COL7A1: variants seen among roughly 807,000 people sequenced by gnomAD.
COL7A1 encodes collagen type VII alpha 1 chain, also known as collagen alpha-1(VII) chain.
A neutral mutation model predicts 456.2 loss-of-function variants in COL7A1; 296 were observed. The ratio of observed to expected loss-of-function variants is 0.65; its 90% CI spans 0.59 to 0.71. The LOEUF is 0.71. COL7A1 is among the 30% of genes least tolerant of loss of function. COL7A1 has a pLI of 0.00. For missense variants in COL7A1, 3,441 were observed against 4,017.2 expected, an observed-to-expected ratio of 0.86 and a Z score of 3.88; for synonymous variants, 1,464 against 1,525.9, an observed-to-expected ratio of 0.96 and a Z score of 0.95.
intron 47 of COL7A1, 67 bp downstream of exon 47, chr3:48,582,256 T>C: frequency 6.2e-7 from 1 of 1,611,348 alleles, no homozygotes; most frequent in Non-Finnish European, 8.5e-7. Context: ...GCCCAGATAG[T>C]GTTCTATAGG....
chr3:48,572,307 T>C lies in COL7A1; in HGVS notation c.6978+73A>G, dbSNP rs1423798347. 13 of 1,613,078 alleles carry C rather than the reference T, an allele frequency of 8.1e-6. No individual in the cohort carries two copies. In the East Asian group the frequency reaches 2.9e-4, roughly 36 times the overall value. On this transcript the variant is annotated intron_variant, in intron 90 of 118. Coordinates refer to ENST00000681320, the MANE Select transcript of COL7A1 (RefSeq NM_000094.4). This position sits in a 1 kb window ranked among gnomAD's most constrained non-coding sequence, Gnocchi z 4.6. ...GTCATGAGGGTGGGTAAACTATGGG[T>C]CGAAGGTCAGAAGTTAGGCCACTGG... is the stretch of plus-strand genomic sequence containing the variant.
chr3:48,580,009 C>G lies in COL7A1; in HGVS notation c.5124+22G>C. On this transcript the variant is annotated intron_variant, in intron 57 of 118. Transcript: ENST00000681320. This position sits in a 1 kb window ranked among gnomAD's most constrained non-coding sequence, Gnocchi z 4.5. ...GGCAAGTGAGAACAATGACAGAGGA[C>G]CAGACCCAGCGCAGCCCTTACCAGC... 6.2e-7 allele frequency: 1 copy of G among 1,613,986 alleles called. No homozygotes were observed. The highest frequency in any genetic ancestry group is 2.2e-5 in the East Asian group (1 of 44,866).
intron 38 of COL7A1, 28 bp downstream of exon 38, chr3:48,584,007 C>A (rs1475279349): frequency 2.5e-6 from 4 of 1,613,932 alleles, no homozygotes; most frequent in African/African-American, 2.7e-5. Flanking sequence ...CTCCAAGCCA[C>A]CCCTAGCACA....
rs777288198 is a variant in COL7A1 at position 48,579,459 on chromosome 3, G to A, written c.5271+21C>T. 15 of 1,614,034 alleles carry A rather than the reference G, an allele frequency of 9.3e-6. No homozygotes were observed. Among genetic ancestry groups the A allele is most frequent in the East Asian group, 4.5e-5 (2 of 44,886 alleles). On this transcript the variant is annotated intron_variant, in intron 60 of 118. Coordinates refer to ENST00000681320, the MANE Select transcript of COL7A1 (RefSeq NM_000094.4). This position sits in a 1 kb window ranked among gnomAD's most constrained non-coding sequence, Gnocchi z 4.4. ...AGGGTAAGATGGGGACTTGGCAGAC[G>A]GGGCAAAGTGCATCACTCACCTGTG...
In COL7A1 at chr3:48,594,323, T is replaced by G. The variant is rs1461667578; in HGVS notation, c.266+45A>C. On this transcript the variant is annotated intron_variant, in intron 3 of 118. Coordinates refer to ENST00000681320, the MANE Select transcript of COL7A1 (RefSeq NM_000094.4). This position sits in a 1 kb window ranked among gnomAD's most constrained non-coding sequence, Gnocchi z 5.5. ...CTCCTCCCTCTCTGGGGAAGGAGTC[T>G]TGGTGGGGATCTCGTGGTCCCCAGC... is the stretch of plus-strand genomic sequence containing the variant. The G allele has an allele frequency of 1.9e-6, 3 of 1,598,732 alleles. No homozygotes were observed. Among genetic ancestry groups the G allele is most frequent in the Non-Finnish European group, 2.6e-6 (3 of 1,175,360 alleles).
chr3:48,568,916 A>G lies in COL7A1; in HGVS notation c.7687-61T>C. The G allele has an allele frequency of 2.0e-6, 3 of 1,499,738 alleles. No individual in the cohort carries two copies. Among genetic ancestry groups the G allele is most frequent in the Non-Finnish European group, 1.8e-6 (2 of 1,100,994 alleles). The allele number at this position is 1,499,738 out of a possible 1,614,324, so 92.9% of individuals were successfully genotyped here. A position where few individuals can be genotyped will look rare whatever the true frequency, so the allele number is the denominator to read the frequency against. On this transcript the variant is annotated intron_variant, in intron 103 of 118. Coordinates refer to ENST00000681320, the MANE Select transcript of COL7A1 (RefSeq NM_000094.4). This position sits in a 1 kb window ranked among gnomAD's most constrained non-coding sequence, Gnocchi z 5.2. ...CCAGATCAGGCTGGGGGCTTAGAATACAACGAGCCCGCCAGCTGGGGCAGA... is the reference window on the plus strand; with the variant it reads ...CCAGATCAGGCTGGGGGCTTAGAATGCAACGAGCCCGCCAGCTGGGGCAGA...
At position 48,579,471 on chromosome 3, in the gene COL7A1, A is replaced by G. The variant is rs937090602; in HGVS notation, c.5271+9T>C. 1 of 1,614,108 alleles carries G rather than the reference A, an allele frequency of 6.2e-7. No homozygotes were observed. The highest frequency in any genetic ancestry group is 8.5e-7 in the Non-Finnish European group (1 of 1,180,010). On this transcript the variant is annotated intron_variant, in intron 60 of 118. Transcript: ENST00000681320. This position sits in a 1 kb window ranked among gnomAD's most constrained non-coding sequence, Gnocchi z 4.4. Reference sequence around the variant, plus strand: ...GGACTTGGCAGACGGGGCAAAGTGCATCACTCACCTGTGGGCCTGGGGGTC... The same window carrying G: ...GGACTTGGCAGACGGGGCAAAGTGCGTCACTCACCTGTGGGCCTGGGGGTC...
Position 48,564,142 on chromosome 3 carries a change from G to A in COL7A1, c.*264C>T. The A allele has an allele frequency of 1.7e-6, 1 of 575,320 alleles. No individual in the cohort carries two copies. The highest frequency in any genetic ancestry group is 3.2e-6 in the Non-Finnish European group (1 of 316,434). 35.6% of individuals were successfully genotyped at this position (575,320 alleles called of 1,614,324 possible). Reference sequence around the variant, plus strand: ...TGTCATCACAGGCTTGGGTCAAGGGGCGGGTCAGACGCCAGTCACATCCGC... The same window carrying A: ...TGTCATCACAGGCTTGGGTCAAGGGACGGGTCAGACGCCAGTCACATCCGC... On this transcript the variant is annotated 3_prime_UTR_variant, in exon 119 of 119. Transcript: ENST00000681320. The surrounding 1 kb of genome is among the most constrained non-coding windows in gnomAD (Gnocchi z 6.0).
rs2043716423 is a variant in COL7A1, at chr3:48,568,529, T to C, written c.7764A>G (p.Gln2588=). 3 of 1,607,864 alleles carry C rather than the reference T, an allele frequency of 1.9e-6. No homozygotes were observed. Among genetic ancestry groups the C allele is most frequent in the Non-Finnish European group, 1.7e-6 (2 of 1,175,526 alleles). ...CACCAGGGATCCCTGCTGCACCAGG[T>C]TGACCCTGTGAGAAACACAGATGGG... ...GLRGLLGPQG[Q]PGAAGIPGDP... Residue 2588 remains glutamine (Q), a synonymous_variant, in exon 105 of 119, where the codon CAA becomes CAG. Coordinates refer to ENST00000681320, the MANE Select transcript of COL7A1 (RefSeq NM_000094.4). The surrounding 1 kb of genome is among the most constrained non-coding windows in gnomAD (Gnocchi z 5.2).
chr3:48,587,477 C>T lies in COL7A1; in HGVS notation c.2935G>A (p.Val979Met), dbSNP rs962411216. ...AGGATGTAGCTGGATGCCCTGGACA[C>T]TGGAGTCCAGGCCAAAGTCACCGAG... ...IDSVTLAWTP[V>M]SRASSYILSW... The change falls in exon 23 of 119, where the codon GTG (valine) becomes ATG (methionine). Residue 979 changes from valine (V) to methionine (M), a missense_variant. This residue lies in a region of COL7A1 where 444 missense variants were observed against 427.6 expected (regional missense o/e 1.04). Coordinates refer to ENST00000681320, the MANE Select transcript of COL7A1 (RefSeq NM_000094.4). The surrounding 1 kb of genome is among the most constrained non-coding windows in gnomAD (Gnocchi z 6.1). 6.2e-7 allele frequency: 1 copy of T among 1,613,210 alleles called. No individual in the cohort carries two copies. Among genetic ancestry groups the T allele is most frequent in the African/African-American group, 1.3e-5 (1 of 74,944 alleles).
rs1165115335 is a variant in COL7A1, at chr3:48,568,743, T to A, written c.7758+41A>T. 3.2e-6 allele frequency: 5 copies of A among 1,547,948 alleles called. No individual in the cohort carries two copies. In the East Asian group the frequency reaches 9.7e-5, roughly 30 times the overall value. ...GGATATGTGTGTGTGTGATGCTGGCTCTGGACCTGGGCCTGGGCCTGGGCC... is the reference window on the plus strand; with the variant it reads ...GGATATGTGTGTGTGTGATGCTGGCACTGGACCTGGGCCTGGGCCTGGGCC... On this transcript the variant is annotated intron_variant, in intron 104 of 118. Coordinates refer to ENST00000681320, the MANE Select transcript of COL7A1 (RefSeq NM_000094.4). This position sits in a 1 kb window ranked among gnomAD's most constrained non-coding sequence, Gnocchi z 5.2.
Position 48,566,993 on chromosome 3 carries a change from G to T in COL7A1, c.8140C>A (p.Pro2714Thr), listed in dbSNP as rs377080229. Residue 2714 changes from proline to threonine, a missense_variant, in exon 111 of 119, where the codon CCC becomes ACC. Pro to Thr is a conservative substitution (Grantham distance 38, BLOSUM62 -1). Around this residue, in one of 3 missense-constraint regions of COL7A1, gnomAD observed 2,084 missense variants for 2,501.3 expected, o/e 0.83. Coordinates refer to ENST00000681320, the MANE Select transcript of COL7A1 (RefSeq NM_000094.4). This position sits in a 1 kb window ranked among gnomAD's most constrained non-coding sequence, Gnocchi z 5.9. ...GTPGIGGFPG[P>T]SGNDGSAGPP... ...CCAGCAGAGCCATCATTTCCACTGG[G>T]GCCTGGGAAGCCCCCAATTCCTGGG... is the stretch of plus-strand genomic sequence containing the variant. 6.2e-7 allele frequency: 1 copy of T among 1,612,662 alleles called. No homozygotes were observed. Among genetic ancestry groups the T allele is most frequent in the Non-Finnish European group, 8.5e-7 (1 of 1,178,952 alleles).
In COL7A1 at chr3:48,583,506, G is replaced by A. The variant is rs369494598; in HGVS notation, c.4401+50C>T. The A allele has an allele frequency of 1.2e-5, 19 of 1,613,438 alleles. No individual in the cohort carries two copies. The highest frequency in any genetic ancestry group is 4.0e-5 in the African/African-American group (3 of 74,890). On this transcript the variant is annotated intron_variant, in intron 41 of 118. Transcript: ENST00000681320. This position sits in a 1 kb window ranked among gnomAD's most constrained non-coding sequence, Gnocchi z 5.1. ...GAGCAGTGGTTGATGATTGAGGTAG[G>A]GGCTGGAGCTGTGCCCACCATATTC...
In COL7A1 at chr3:48,583,416, G is replaced by T. The variant is rs775987562; in HGVS notation, c.4414C>A (p.Pro1472Thr). The stretch of plus-strand genomic sequence containing the variant: ...ACTTTGGGGCCAATAGCTCCAGGAG[G>T]TCCCCGTGGGCCCTGGAAGGGATGA... ...GSPGEQGPRG[P>T]PGAIGPKGDR... Residue 1472 changes from proline to threonine, a missense_variant, in exon 42 of 119, where the codon CCT becomes ACT. This residue lies in a region of COL7A1 where 2,084 missense variants were observed against 2,501.3 expected (regional missense o/e 0.83). Coordinates refer to ENST00000681320, the MANE Select transcript of COL7A1 (RefSeq NM_000094.4). This position sits in a 1 kb window ranked among gnomAD's most constrained non-coding sequence, Gnocchi z 5.1. 1.1e-5 allele frequency: 18 copies of T among 1,614,046 alleles called. No individual in the cohort carries two copies. In the Admixed American group the frequency reaches 1.8e-4, roughly 16 times the overall value.
chr3:48,585,661 G>T lies in COL7A1; in HGVS notation c.3831+29C>A, dbSNP rs1256721489. ...GTTAGGTGGGGATAAGCCAGTCAGGGTGCAGGGACAGATGTGGGGGACACT... is the reference window on the plus strand; with the variant it reads ...GTTAGGTGGGGATAAGCCAGTCAGGTTGCAGGGACAGATGTGGGGGACACT... On this transcript the variant is annotated intron_variant, in intron 31 of 118. Transcript: ENST00000681320. The surrounding 1 kb of genome is among the most constrained non-coding windows in gnomAD (Gnocchi z 4.5). The T allele has an allele frequency of 9.9e-6, 16 of 1,613,922 alleles. No individual in the cohort carries two copies. The highest frequency in any genetic ancestry group is 1.3e-5 in the African/African-American group (1 of 74,930).
At chr3:48,582,436 A>G (rs747443924) in intron 46 of COL7A1, 42 bp downstream of exon 46, 9 of 1,613,962 alleles carry the variant, frequency 5.6e-6, no homozygotes, top group Non-Finnish European at 7.6e-6. Flanking sequence ...CATCTGCCAC[A>G]TCCCTAGTAC....
In COL7A1 at chr3:48,582,314, G is replaced by A. The variant is rs372309313; in HGVS notation, c.4635+9C>T. ...GCTGTGCTCAGAGCGCCATCCTCCC[G>A]TCACTCACCACCACTGCAGGGTCCC... On this transcript the variant is annotated intron_variant, in intron 47 of 118. Transcript: ENST00000681320. 2.9e-5 allele frequency: 46 copies of A among 1,613,936 alleles called. No homozygotes were observed. The Middle Eastern group carries it at 6.6e-4, about 23-fold the overall frequency.
chr3:48,572,475 C>A lies in COL7A1; in HGVS notation c.6936+28G>T, dbSNP rs377224756. 2.9e-5 allele frequency: 47 copies of A among 1,613,788 alleles called. No homozygotes were observed. The highest frequency in any genetic ancestry group is 3.6e-5 in the Non-Finnish European group (43 of 1,179,920). On this transcript the variant is annotated intron_variant, in intron 89 of 118. Transcript: ENST00000681320. This position sits in a 1 kb window ranked among gnomAD's most constrained non-coding sequence, Gnocchi z 4.6. ...CCTTGGCCCCCACCAGTTGACCCCC[C>A]CTCACTGGCAGCCCCACACACACTC...
chr3:48,595,245 T>A, intron 1 of COL7A1, 23 bp downstream of exon 1: 2 of 1,150,200 alleles, frequency 1.7e-6, no homozygotes, highest in Non-Finnish European at 2.5e-6. Context: ...CCAGCGCCCC[T>A]CCAGCCCGAG....
Sources: allele counts gnomAD v4.1 joint callset, GRCh38; gene constraint gnomAD v4.1.1; regional missense constraint gnomAD v4.1.1; non-coding constraint Gnocchi (gnomAD v3.1); transcripts MANE v1.5; gene names NCBI Gene and HGNC (gene_info 2026-07-23, HGNC 2026-07-21).